Variants in L3HYPDH observed in about 807,000 individuals in gnomAD.
L3HYPDH encodes trans-3-hydroxy-L-proline dehydratase.
Under a neutral mutation model 26.5 loss-of-function variants are expected in L3HYPDH, and 32 were observed. The observed-to-expected ratio is 1.21, with a 90% CI of 0.91 to 1.62. The LOEUF (loss-of-function observed/expected upper bound fraction) is 1.62. L3HYPDH is among the 40% of genes most tolerant of loss of function. The pLI, the probability that L3HYPDH is intolerant of heterozygous loss-of-function variation, is 0.00. For synonymous variants in L3HYPDH, 215 were observed against 196.6 expected, an observed-to-expected ratio of 1.09 and a Z score of -0.78; for missense variants, 554 against 476.4, an observed-to-expected ratio of 1.16 and a Z score of -1.52.
chr14:59,474,483 A>C (rs1278747227), intron 4 of L3HYPDH: 2 of 699,352 alleles, frequency 2.9e-6, no homozygotes, highest in Admixed American at 2.0e-5. Flanking sequence ...CTCCCTCTCT[A>C]TTTGGGGGGA....
the L3HYPDH span, among the ~76,000 whole-genome samples, chr14:59,491,807 G>C: frequency 2.6e-5 from 4 of 152,328 alleles, no homozygotes; most frequent in East Asian, 7.7e-4. Flanking sequence ...GGTTGTCTGA[G>C]GTCAATTGCT....
chr14:59,482,683 G>C (rs146803457), intron 1 of L3HYPDH, among the ~76,000 whole-genome samples: 1 of 152,278 alleles, frequency 6.6e-6, no homozygotes, highest in East Asian at 1.9e-4. Flanking sequence ...TCGTTAACTC[G>C]TGGATTTCAG....
intron 4 of L3HYPDH, chr14:59,474,545 T>C (rs764796674): frequency 1.1e-4 from 78 of 698,514 alleles, no homozygotes; most frequent in African/African-American, 1.9e-4. Context: ...TAAAGCCTCA[T>C]TGACCTTTTG....
downstream of L3HYPDH, among the ~76,000 whole-genome samples, chr14:59,470,046 C>CA (rs947423776): frequency 2.6e-5 from 4 of 152,144 alleles, no homozygotes; most frequent in African/African-American, 4.8e-5. Flanking sequence ...ATTGAGAAAT[C>CA]AGCTGTTTTA....
At chr14:59,496,490 G>C in the L3HYPDH span, among the ~76,000 whole-genome samples, 81,979 of 151,772 alleles carry the variant, frequency 0.54, 24,473 homozygotes, top group African/African-American at 0.8. Flanking sequence ...GACTTATTTA[G>C]CGATAGTCTC....
At chr14:59,467,961 T>C, downstream of L3HYPDH, among the ~76,000 whole-genome samples, 1 of 152,240 alleles carries the variant, frequency 6.6e-6, no homozygotes, top group East Asian at 1.9e-4. Context: ...ATCCTGAATC[T>C]TGGCTCTCAT....
chr14:59,503,800 G>T, the L3HYPDH span: 1 of 1,069,770 alleles, frequency 9.3e-7, no homozygotes, highest in Non-Finnish European at 1.4e-6. Flanking sequence ...TTACCCAGCT[G>T]ACTTAGCCTG....
intron 1 of L3HYPDH, among the ~76,000 whole-genome samples, chr14:59,481,801 G>C (rs1290522597): frequency 6.6e-6 from 1 of 152,162 alleles, no homozygotes. Context: ...CAATATGATA[G>C]GCCAGGGTTC....
chr14:59,505,017 G>A, the L3HYPDH span: 2 of 343,004 alleles, frequency 5.8e-6, no homozygotes, highest in African/African-American at 2.1e-5. Flanking sequence ...TGCAACCATG[G>A]AAGCAAAATG....
chr14:59,481,735 A>G (rs1890038158), intron 1 of L3HYPDH, among the ~76,000 whole-genome samples: 2 of 152,226 alleles, frequency 1.3e-5, no homozygotes, highest in South Asian at 4.1e-4. Flanking sequence ...GCACTATTCT[A>G]GAAAATTGAA....
At chr14:59,502,242 C>T in the L3HYPDH span, among the ~76,000 whole-genome samples, 1 of 152,002 alleles carries the variant, frequency 6.6e-6, no homozygotes, top group Non-Finnish European at 1.5e-5. Context: ...ACGTTAATGG[C>T]TCTGATTTAA....
the L3HYPDH span, among the ~76,000 whole-genome samples, chr14:59,499,417 T>C: frequency 1.3e-5 from 2 of 152,236 alleles, no homozygotes; most frequent in Non-Finnish European, 2.9e-5. Context: ...AAGTAGGGTC[T>C]TAGGTTTCTA....
chr14:59,483,789 G>T lies in L3HYPDH; in HGVS notation c.508+20C>A. 6.3e-7 allele frequency: 1 copy of T among 1,588,790 alleles called. No individual in the cohort carries two copies. On this transcript the variant is annotated intron_variant, in intron 1 of 4. Transcript: ENST00000247194. ...CCCGGTTGCAGCTCTGCCCTGGGCT[G>T]GAAAGGTCCCGCCCATTACCTGTGG...
the L3HYPDH span, among the ~76,000 whole-genome samples, chr14:59,494,121 G>GGT: frequency 7.7e-3 from 1,163 of 151,070 alleles, 14 homozygotes; most frequent in African/African-American, 0.026. Flanking sequence ...AGAAAATTTG[G>GGT]GTGTGTGTGT....
the L3HYPDH span, among the ~76,000 whole-genome samples, chr14:59,492,832 C>T: frequency 7.0e-6 from 1 of 142,558 alleles, no homozygotes; most frequent in Admixed American, 7.2e-5. Context: ...GAGTCTTGCT[C>T]TGTTGCCCAG....
intron 2 of L3HYPDH, 60 bp downstream of exon 2, chr14:59,479,122 T>C: frequency 1.7e-6 from 2 of 1,188,928 alleles, no homozygotes; most frequent in Non-Finnish European, 2.4e-6. Context: ...GACATAATAA[T>C]GTATATTTCC....
the L3HYPDH span, among the ~76,000 whole-genome samples, chr14:59,499,369 A>T: frequency 1.3e-5 from 2 of 152,210 alleles, no homozygotes; most frequent in Non-Finnish European, 2.9e-5. Context: ...TTAGGAATTT[A>T]TGAAAATTAG....
chr14:59,475,942 A>G lies in L3HYPDH; in HGVS notation c.866T>C (p.Leu289Pro), dbSNP rs1241189243. 6.2e-7 allele frequency: 1 copy of G among 1,614,000 alleles called. No individual in the cohort carries two copies. Among genetic ancestry groups the G allele is most frequent in the Non-Finnish European group, 8.5e-7 (1 of 1,179,894 alleles). Residue 289 changes from leucine (L) to proline (P), a missense_variant, in exon 4 of 5, where the codon CTT (leucine) becomes CCT (proline). Leu to Pro is a moderately conservative substitution (Grantham distance 98). Transcript: ENST00000247194. ...ARIALQYHKG[L>P]LELNQMRAFK... ...GGCTCTCATCTGGTTCAGTTCCAGAAGCCCTTTGTGATACTGTAAGGCAAT... is the reference window on the plus strand; with the variant it reads ...GGCTCTCATCTGGTTCAGTTCCAGAGGCCCTTTGTGATACTGTAAGGCAAT...
chr14:59,465,996 G>A (rs1413128201), intron 1 of L3HYPDH, among the ~76,000 whole-genome samples: 5 of 152,162 alleles, frequency 3.3e-5, no homozygotes, highest in Admixed American at 3.3e-4. Context: ...GATGTCAAGA[G>A]TTTCATAAAA....
Sources: allele counts gnomAD v4.1 joint callset (sites outside exome capture counted in the v4.1 genomes callset), GRCh38; gene constraint gnomAD v4.1.1; transcripts MANE v1.5; gene names NCBI Gene and HGNC (gene_info 2026-07-23, HGNC 2026-07-21).